BRD10: variants seen among roughly 807,000 people sequenced by gnomAD.
BRD10 encodes the protein uncharacterized bromodomain-containing protein 10.
At chr9:5,914,125 G>A in the BRD10 span, 1 of 431,274 alleles carries the variant, frequency 2.3e-6, no homozygotes, top group Non-Finnish European at 4.6e-6. Flanking sequence ...TAAATTTCAG[G>A]TTTTCCCAAG....
the BRD10 span, chr9:5,897,569 C>G: frequency 6.2e-7 from 1 of 1,614,098 alleles, no homozygotes; most frequent in South Asian, 1.1e-5. Flanking sequence ...CCGCTGGGAT[C>G]GGCATCCTGA....
At chr9:5,965,899 A>G in the BRD10 span, among the ~76,000 whole-genome samples, 1 of 152,240 alleles carries the variant, frequency 6.6e-6, no homozygotes, top group African/African-American at 2.4e-5. Context: ...AAGTGGACTG[A>G]AAATTACATA....
chr9:5,878,900 T>C, the BRD10 span, among the ~76,000 whole-genome samples: 1 of 152,346 alleles, frequency 6.6e-6, no homozygotes, highest in Admixed American at 6.5e-5. Context: ...GGACCAATAA[T>C]GTACCCTGGA....
chr9:5,954,349 A>T, the BRD10 span, among the ~76,000 whole-genome samples: 1 of 152,188 alleles, frequency 6.6e-6, no homozygotes, highest in Admixed American at 6.6e-5. Flanking sequence ...AATGTGTTAT[A>T]CGGTAGAATC....
chr9:5,987,160 CATT>C, the BRD10 span, among the ~76,000 whole-genome samples: 1,545 of 152,256 alleles, frequency 0.01, 16 homozygotes, highest in African/African-American at 0.035. Context: ...GCTCAATAAA[CATT>C]AGCCATTCTT....
the BRD10 span, among the ~76,000 whole-genome samples, chr9:5,927,375 C>G: frequency 6.6e-6 from 1 of 152,132 alleles, no homozygotes; most frequent in African/African-American, 2.4e-5. Context: ...CATTTTTTGT[C>G]TACTAAATCA....
the BRD10 span, among the ~76,000 whole-genome samples, chr9:5,979,589 C>G: frequency 1.3e-5 from 2 of 151,874 alleles, no homozygotes; most frequent in Non-Finnish European, 2.9e-5. Flanking sequence ...ATGAACAGAT[C>G]TAGTATTTTT....
At chr9:5,922,143 G>C in the BRD10 span, 6 of 1,613,792 alleles carry the variant, frequency 3.7e-6, no homozygotes, top group Non-Finnish European at 5.1e-6. Flanking sequence ...TTCCCACCTC[G>C]TGTCCTAACA....
At chr9:5,984,349 G>C in the BRD10 span, among the ~76,000 whole-genome samples, 1 of 152,102 alleles carries the variant, frequency 6.6e-6, no homozygotes, top group Non-Finnish European at 1.5e-5. Context: ...GGTATACAGA[G>C]GCATACTGTC....
At chr9:5,920,721 T>A in the BRD10 span, 38 of 1,613,814 alleles carry the variant, frequency 2.4e-5, no homozygotes, top group Non-Finnish European at 3.1e-5. Flanking sequence ...ACTGTGTTTA[T>A]TATTTTAGGG....
the BRD10 span, among the ~76,000 whole-genome samples, chr9:5,894,245 G>GGTGTAC: frequency 6.6e-6 from 1 of 152,126 alleles, no homozygotes; most frequent in East Asian, 1.9e-4. This position sits in a 1 kb window ranked among gnomAD's most constrained non-coding sequence, Gnocchi z 4.0. Flanking sequence ...CTCATAGCCA[G>GGTGTAC]GTGTACCCAC....
chr9:5,973,340 G>A, the BRD10 span, among the ~76,000 whole-genome samples: 2,102 of 152,198 alleles, frequency 0.014, 27 homozygotes, highest in Non-Finnish European at 0.022. Flanking sequence ...AGTGGTACAC[G>A]CCTGCAATCT....
the BRD10 span, among the ~76,000 whole-genome samples, chr9:5,941,575 T>C: frequency 3.9e-5 from 6 of 152,292 alleles, no homozygotes; most frequent in East Asian, 1.2e-3. Flanking sequence ...TCAAGTGAAC[T>C]GCGTATAAAT....
the BRD10 span, among the ~76,000 whole-genome samples, chr9:5,948,605 A>G: frequency 6.6e-6 from 1 of 152,142 alleles, no homozygotes; most frequent in African/African-American, 2.4e-5. Flanking sequence ...TAGAAATTCA[A>G]TAGGTCTAAA....
chr9:5,879,115 CAA>C, the BRD10 span, among the ~76,000 whole-genome samples: 1 of 152,180 alleles, frequency 6.6e-6, no homozygotes, highest in Non-Finnish European at 1.5e-5. Flanking sequence ...TGAAATATTA[CAA>C]AGACTTTGCT....
chr9:5,902,866 GGATTT>G, the BRD10 span, among the ~76,000 whole-genome samples: 1 of 151,696 alleles, frequency 6.6e-6, no homozygotes, highest in Non-Finnish European at 1.5e-5. Flanking sequence ...CGCTTACTTT[GGATTT>G]AATTTGCTGT....
chr9:5,971,052 C>CAAAAAAAAAAAAA, the BRD10 span, among the ~76,000 whole-genome samples: 4 of 43,196 alleles, frequency 9.3e-5, 1 homozygote, highest in Non-Finnish European at 1.9e-4. Context: ...AGCAACGTCT[C>CAAAAAAAAAAAAA]AAAAAAAAAA....
chr9:6,001,086 T>C, the BRD10 span, among the ~76,000 whole-genome samples: 1 of 152,152 alleles, frequency 6.6e-6, no homozygotes, highest in Non-Finnish European at 1.5e-5. Context: ...AATGCTTCTA[T>C]TCATTTTGGA....
the BRD10 span, among the ~76,000 whole-genome samples, chr9:5,992,543 A>T: frequency 6.6e-6 from 1 of 152,058 alleles, no homozygotes; most frequent in Non-Finnish European, 1.5e-5. Flanking sequence ...AAAAAAACAC[A>T]CTAAAATAGC....
Sources: gnomAD v4.1 joint callset for allele counts (sites outside exome capture counted in the v4.1 genomes callset) on GRCh38, gnomAD v4.1.1 for gene constraint, Gnocchi (gnomAD v3.1) non-coding constraint, MANE v1.5 for transcripts, NCBI Gene and HGNC (gene_info 2026-07-23, HGNC 2026-07-21) for gene names.